Variants in SPON2 observed in about 807,000 individuals in gnomAD.
SPON2 encodes the protein spondin-2.
SPON2 carries 32 observed loss-of-function variants against 29.9 expected under a neutral mutation model. The ratio of observed to expected loss-of-function variants is 1.07; its 90% CI spans 0.81 to 1.44. SPON2 has a LOEUF of 1.44. Ranked by LOEUF, SPON2 falls within the 40% of genes most tolerant of loss-of-function variation. The probability of loss-of-function intolerance (pLI) is 0.00; values close to 1 mark genes in which losing one functional copy is unlikely to be tolerated. For missense variants in SPON2, 541 were observed against 455.5 expected (o/e 1.19, Z -1.71); for synonymous variants, 248 against 209.1 (o/e 1.19, Z -1.61).
At chr4:1,171,576 G>A (rs1022994574) in intron 2 of SPON2, 90 bp from the exon 3 acceptor site, 12 of 1,319,818 alleles carry the variant, frequency 9.1e-6, no homozygotes, top group African/African-American at 7.3e-5. Context: ...ATCCCTCCCC[G>A]CCGCCCGCAG....
chr4:1,180,005 G>C (rs146433505), intron 1 of SPON2, among the ~76,000 whole-genome samples: 126 of 152,244 alleles, frequency 8.3e-4, no homozygotes, highest in African/African-American at 2.9e-3. Context: ...TCTGGGAAGT[G>C]AGATGTCAAT....
chr4:1,171,669 GC>G, intron 2 of SPON2, 182 bp downstream of exon 2: 1 of 753,614 alleles, frequency 1.3e-6, no homozygotes, highest in Non-Finnish European at 2.1e-6. Context: ...CCCCGTGAGC[GC>G]CCCCTGCCCC....
At chr4:1,199,566 G>A (rs1052926406), upstream of SPON2, 5 of 152,216 alleles carry the variant, frequency 3.3e-5, no homozygotes, top group African/African-American at 4.8e-5. This position sits in a 1 kb window ranked among gnomAD's most constrained non-coding sequence, Gnocchi z 4.5. Flanking sequence ...GGGGGTGAAG[G>A]TTAGGATGCT....
chr4:1,205,894 C>T (rs532293516), intron 1 of SPON2, among the ~76,000 whole-genome samples: 1 of 152,142 alleles, frequency 6.6e-6, no homozygotes, highest in Non-Finnish European at 1.5e-5. Flanking sequence ...CCTCCTCGCT[C>T]GGGCCTGGGG....
chr4:1,182,593 C>G (rs1255105768), intron 1 of SPON2, among the ~76,000 whole-genome samples: 1 of 152,112 alleles, frequency 6.6e-6, no homozygotes, highest in African/African-American at 2.4e-5. Context: ...CCTAAGAAAC[C>G]TGTGGGACAC....
intron 1 of SPON2, chr4:1,201,082 G>A (rs1016264602): frequency 4.0e-5 from 18 of 452,988 alleles, no homozygotes; most frequent in Admixed American, 3.1e-4. Flanking sequence ...TTGGCCTGGG[G>A]CGCCCATGGA....
chr4:1,206,789 G>A (rs948795591), intron 1 of SPON2, among the ~76,000 whole-genome samples: 7 of 152,170 alleles, frequency 4.6e-5, no homozygotes, highest in Admixed American at 1.3e-4. Flanking sequence ...AGTCTAAGGC[G>A]AACCCCAGGT....
chr4:1,178,849 C>T (rs1727654549), intron 2 of SPON2, among the ~76,000 whole-genome samples: 1 of 152,146 alleles, frequency 6.6e-6, no homozygotes, highest in African/African-American at 2.4e-5. Context: ...CACTGCACAG[C>T]AGGACGGGGC....
intron 1 of SPON2, among the ~76,000 whole-genome samples, chr4:1,186,199 G>A (rs575260012): frequency 0.013 from 1,949 of 151,042 alleles, 37 homozygotes; most frequent in African/African-American, 0.044. Context: ...AGCTGAGATC[G>A]GGCCACTATA....
At chr4:1,170,635 G>C in intron 4 of SPON2, 59 bp from the exon 5 acceptor site, 2 of 1,543,552 alleles carry the variant, frequency 1.3e-6, no homozygotes, top group Non-Finnish European at 8.8e-7. Flanking sequence ...TCTGGTATGC[G>C]TATGGCCTCA....
intron 5 of SPON2, 64 bp downstream of exon 5, chr4:1,170,338 G>A (rs1727382403): frequency 6.6e-7 from 1 of 1,508,190 alleles, no homozygotes; most frequent in Admixed American, 2.1e-5. Context: ...GTTCGGGTTT[G>A]GTGGTCGCCC....
intron 2 of SPON2, among the ~76,000 whole-genome samples, chr4:1,179,082 T>C (rs1727659476): frequency 6.6e-6 from 1 of 152,178 alleles, no homozygotes; most frequent in African/African-American, 2.4e-5. Context: ...AAGGAGGATG[T>C]GAATCGTGCC....
chr4:1,177,967 G>T (rs911342066), upstream of SPON2, among the ~76,000 whole-genome samples: 1 of 152,212 alleles, frequency 6.6e-6, no homozygotes, highest in African/African-American at 2.4e-5. Context: ...TCCTGTGTTT[G>T]CCAGCCCACC....
chr4:1,204,408 C>G (rs1480169155), intron 1 of SPON2, among the ~76,000 whole-genome samples: 1 of 152,150 alleles, frequency 6.6e-6, no homozygotes, highest in Non-Finnish European at 1.5e-5. Context: ...GATACAGACC[C>G]GGGAGGGTGG....
intron 1 of SPON2, among the ~76,000 whole-genome samples, chr4:1,193,995 G>A (rs1283339063): frequency 6.6e-6 from 1 of 151,956 alleles, no homozygotes; most frequent in African/African-American, 2.4e-5. Flanking sequence ...TTTGGACGAG[G>A]CTGCCAGTAT....
chr4:1,169,145 C>T (rs1223559565), intron 5 of SPON2, among the ~76,000 whole-genome samples: 1 of 151,900 alleles, frequency 6.6e-6, no homozygotes, highest in African/African-American at 2.4e-5. Flanking sequence ...TCTCCTAGCC[C>T]AGGGCACTGG....
chr4:1,181,680 A>AC lies in SPON2; in HGVS notation c.-238-2140dup, dbSNP rs764007166. Among the ~76,000 whole-genome samples, 4 of 152,146 alleles carry AC rather than the reference A, an allele frequency of 2.6e-5. No individual in the cohort carries two copies. In the East Asian group the frequency reaches 5.8e-4, roughly 22 times the overall value. On this transcript the variant is annotated intron_variant, in intron 1 of 3. Coordinates refer to the SPON2 transcript ENST00000502483. ...ACAACAGCAGTCACCCATCCTCCCC[A>AC]CCAGCCCCAGCGCAGACAGTTATGC...
intron 5 of SPON2, among the ~76,000 whole-genome samples, chr4:1,169,313 C>T (rs966754852): frequency 1.3e-5 from 2 of 152,040 alleles, no homozygotes; most frequent in African/African-American, 4.8e-5. Flanking sequence ...GGCTCGGGGA[C>T]ATCTGCTTGG....
chr4:1,171,367 C>T lies in SPON2; in HGVS notation c.340G>A (p.Gly114Arg), dbSNP rs756970484. Residue 114 changes from glycine (G) to arginine (R), a missense_variant, in exon 3 of 6, where the codon GGG becomes AGG. Coordinates refer to ENST00000290902, the MANE Select transcript of SPON2 (RefSeq NM_012445.4). ...WALMKEIEAA[G>R]EALQSVHAVF... ...GCGTGCACGCTCTGCAGCGCCTCCC[C>T]CGCCGCCTCGATCTCCTTCATCAGC... The T allele has an allele frequency of 6.2e-6, 10 of 1,611,752 alleles. No homozygotes were observed. The East Asian group carries it at 2.2e-4, about 36-fold the overall frequency.
Sources: gnomAD v4.1 joint callset for allele counts (sites outside exome capture counted in the v4.1 genomes callset) on GRCh38, gnomAD v4.1.1 for gene constraint, Gnocchi (gnomAD v3.1) non-coding constraint, MANE v1.5 for transcripts, NCBI Gene and HGNC (gene_info 2026-07-23, HGNC 2026-07-21) for gene names.